The following ARHGAP32 variants were observed in gnomAD, a reference collection of about 807,000 sequenced individuals.
The protein encoded by ARHGAP32 is Rho GTPase activating protein 32.
A neutral mutation model predicts 186.5 loss-of-function variants in ARHGAP32; 51 were observed. That is an observed-to-expected ratio of 0.27 (90% CI 0.22 to 0.35). The LOEUF (loss-of-function observed/expected upper bound fraction) is 0.35. Ranked by LOEUF, ARHGAP32 falls within the 10% of genes least tolerant of loss-of-function variation. The pLI, the probability that ARHGAP32 is intolerant of heterozygous loss-of-function variation, is 1.00. For missense variants in ARHGAP32, 2,186 were observed against 2,623.5 expected (o/e 0.83, Z 3.64); for synonymous variants, 950 against 964.3 (o/e 0.99, Z 0.27).
intron 1 of ARHGAP32, among the ~76,000 whole-genome samples, chr11:129,251,731 C>T (rs1212298731): frequency 6.6e-6 from 1 of 150,632 alleles, no homozygotes; most frequent in Non-Finnish European, 1.5e-5. Context: ...TGAGACCATC[C>T]AGGCCAACAC....
At chr11:129,195,298 T>A (rs953611155), upstream of ARHGAP32, among the ~76,000 whole-genome samples, 1 of 152,044 alleles carries the variant, frequency 6.6e-6, no homozygotes, top group Admixed American at 6.6e-5. Context: ...TTTTCATGAA[T>A]CCTATTCACC....
At chr11:129,158,576 C>T (rs1164588759) in intron 2 of ARHGAP32, among the ~76,000 whole-genome samples, 1 of 152,042 alleles carries the variant, frequency 6.6e-6, no homozygotes, top group Non-Finnish European at 1.5e-5. Context: ...TTTTAGAGAC[C>T]TACAAAGAGA....
In ARHGAP32 at chr11:128,970,226, T is replaced by C; in HGVS notation, c.4987A>G (p.Arg1663Gly). The C allele has an allele frequency of 1.2e-6, 2 of 1,614,178 alleles. No individual in the cohort carries two copies. The highest frequency in any genetic ancestry group is 8.5e-7 in the Non-Finnish European group (1 of 1,180,028). ...PYFENGRVHY[R>G]YSPYSSSSSS... ...GAAGAACTGGAATATGGGCTATACC[T>C]GTAGTGGACCCGGCCATTCTCAAAG... Residue 1663 changes from arginine to glycine, a missense_variant, in exon 23 of 23, where the codon AGG becomes GGG. Arg to Gly is a moderately radical substitution (Grantham distance 125). Coordinates refer to ENST00000682385, the MANE Select transcript of ARHGAP32 (RefSeq NM_001378024.1). The surrounding 1 kb of genome is among the most constrained non-coding windows in gnomAD (Gnocchi z 5.8).
At chr11:129,063,289 A>G (rs1001447874) in intron 9 of ARHGAP32, among the ~76,000 whole-genome samples, 1 of 152,180 alleles carries the variant, frequency 6.6e-6, no homozygotes, top group Non-Finnish European at 1.5e-5. Context: ...TATGCAGTAA[A>G]AAGTTATACT....
At chr11:128,985,358 T>C (rs1301680125) in intron 15 of ARHGAP32, among the ~76,000 whole-genome samples, 2 of 149,026 alleles carry the variant, frequency 1.3e-5, no homozygotes, top group Non-Finnish European at 3.0e-5. Context: ...AGCAATGTCA[T>C]TTTGAAAAAA....
intron 1 of ARHGAP32, among the ~76,000 whole-genome samples, chr11:129,217,195 GC>G (rs1944659492): frequency 6.6e-6 from 1 of 151,970 alleles, no homozygotes; most frequent in African/African-American, 2.4e-5. Flanking sequence ...CTCCTTCTTT[GC>G]CTCTTTAAAT....
chr11:128,965,879 A>G lies in ARHGAP32; in HGVS notation c.*3028T>C, dbSNP rs1046391539. 3 of 152,166 alleles carry G rather than the reference A, an allele frequency of 2.0e-5. No individual in the cohort carries two copies. The allele number at this position is 152,166 out of a possible 1,614,324, so 9.4% of individuals were successfully genotyped here. Reference sequence around the variant, plus strand: ...CTACTCCTCCGTCCCCACTCACGTTAGTTAACAGTCCCTCCTCTCTACAGA... The same window carrying G: ...CTACTCCTCCGTCCCCACTCACGTTGGTTAACAGTCCCTCCTCTCTACAGA... On this transcript the variant is annotated 3_prime_UTR_variant, in exon 23 of 23. Coordinates refer to ENST00000682385, the MANE Select transcript of ARHGAP32 (RefSeq NM_001378024.1).
At chr11:129,152,456 C>A (rs1000852413) in intron 2 of ARHGAP32, among the ~76,000 whole-genome samples, 6 of 152,094 alleles carry the variant, frequency 3.9e-5, no homozygotes, top group Non-Finnish European at 7.4e-5. Context: ...AGACCAGTAT[C>A]CCTGAGGAAC....
At chr11:129,173,991 G>A (rs890699463) in intron 1 of ARHGAP32, among the ~76,000 whole-genome samples, 6 of 152,338 alleles carry the variant, frequency 3.9e-5, no homozygotes, top group East Asian at 1.9e-4. Context: ...CGTGAGCGAC[G>A]CAGAAGACGG....
intron 1 of ARHGAP32, among the ~76,000 whole-genome samples, chr11:129,219,221 G>A (rs945789872): frequency 1.3e-5 from 2 of 152,144 alleles, no homozygotes; most frequent in African/African-American, 2.4e-5. Context: ...TTTGAAAGGT[G>A]TGCTTTTTTC....
chr11:129,090,362 C>T (rs1224604305), intron 6 of ARHGAP32, among the ~76,000 whole-genome samples: 1 of 152,116 alleles, frequency 6.6e-6, no homozygotes, highest in African/African-American at 2.4e-5. Context: ...AACCCACCTA[C>T]CATGACACAA....
chr11:129,044,005 T>C (rs1009457616), intron 10 of ARHGAP32, among the ~76,000 whole-genome samples: 7 of 152,212 alleles, frequency 4.6e-5, no homozygotes, highest in African/African-American at 1.7e-4. Context: ...TTTCGAACTC[T>C]TGTAATTGAG....
chr11:129,179,885 G>A (rs1462858132), intron 1 of ARHGAP32, among the ~76,000 whole-genome samples: 1 of 152,078 alleles, frequency 6.6e-6, no homozygotes, highest in African/African-American at 2.4e-5. Flanking sequence ...CATGGCACGT[G>A]TATACGTATG....
At position 129,221,929 on chromosome 11, in the gene ARHGAP32, T is replaced by C. The variant is rs193094936; in HGVS notation, c.-5+57217A>G. Among the ~76,000 whole-genome samples the C allele has an allele frequency of 4.6e-5, 7 of 152,260 alleles. No homozygotes were observed. In the East Asian group the frequency reaches 1.3e-3, roughly 29 times the overall value. ...TACTTGTGGACACTCGAATCTTCTC[T>C]TTCCTTCCAAGACCTCACTGAGTCA... On this transcript the variant is annotated intron_variant, in intron 1 of 6. Coordinates refer to the ARHGAP32 transcript ENST00000525234.
At chr11:129,025,698 A>C (rs913067457) in intron 11 of ARHGAP32, among the ~76,000 whole-genome samples, 1 of 151,974 alleles carries the variant, frequency 6.6e-6, no homozygotes, top group Non-Finnish European at 1.5e-5. Context: ...ATGAGGGAAG[A>C]GAGTGAGAAA....
chr11:129,242,717 C>CAA (rs1041530601), intron 1 of ARHGAP32, among the ~76,000 whole-genome samples: 5 of 110,978 alleles, frequency 4.5e-5, no homozygotes, highest in Non-Finnish European at 7.6e-5. Context: ...GACTCCACCT[C>CAA]AAAAAAAAAA....
intron 6 of ARHGAP32, among the ~76,000 whole-genome samples, chr11:129,090,831 C>T (rs1591605830): frequency 6.6e-6 from 1 of 152,220 alleles, no homozygotes; most frequent in East Asian, 1.9e-4. Context: ...CAGGGTTTAT[C>T]TAATTTTGGC....
chr11:129,206,905 GC>G (rs1338373783), intron 1 of ARHGAP32, among the ~76,000 whole-genome samples: 1 of 151,668 alleles, frequency 6.6e-6, no homozygotes, highest in African/African-American at 2.4e-5. Context: ...CCCTCCCATA[GC>G]CCCTCACCCC....
chr11:129,107,268 A>G (rs1039337073), intron 5 of ARHGAP32, among the ~76,000 whole-genome samples: 3 of 152,220 alleles, frequency 2.0e-5, no homozygotes, highest in Non-Finnish European at 4.4e-5. Context: ...CCCAAAAAAT[A>G]GAACTGAAAG....
Sources: gnomAD v4.1 joint callset for allele counts (sites outside exome capture counted in the v4.1 genomes callset) on GRCh38, gnomAD v4.1.1 for gene constraint, Gnocchi (gnomAD v3.1) non-coding constraint, MANE v1.5 for transcripts, NCBI Gene and HGNC (gene_info 2026-07-23, HGNC 2026-07-21) for gene names.